Variants in NT5C3A observed in about 807,000 individuals in gnomAD.
NT5C3A encodes cytosolic 5'-nucleotidase 3A.
A neutral mutation model predicts 40.0 loss-of-function variants in NT5C3A; 23 were observed. The ratio of observed to expected loss-of-function variants is 0.58; its 90% confidence interval spans 0.41 to 0.81. NT5C3A has a LOEUF of 0.81. NT5C3A is among the 40% of genes least tolerant of loss of function. NT5C3A has a pLI of 0.00. For missense variants in NT5C3A, 328 were observed against 403.0 expected, an observed-to-expected ratio of 0.81 and a Z score of 1.59; for synonymous variants, 130 against 141.4, an observed-to-expected ratio of 0.92 and a Z score of 0.57.
chr7:33,017,321 C>T (rs757400807), intron 7 of NT5C3A, 118 bp downstream of exon 7: 75 of 721,098 alleles, frequency 1.0e-4, no homozygotes, highest in Non-Finnish European at 1.5e-4. Context: ...CCACAGTGGG[C>T]CTATCGGCTT....
chr7:33,058,032 T>C (rs1008154176), intron 1 of NT5C3A, among the ~76,000 whole-genome samples: 8 of 152,270 alleles, frequency 5.3e-5, no homozygotes, highest in African/African-American at 1.9e-4. Context: ...TCATTTTTTT[T>C]TCCTTTTGGC....
chr7:33,031,183 A>G (rs1054996114), intron 1 of NT5C3A, among the ~76,000 whole-genome samples: 1 of 152,130 alleles, frequency 6.6e-6, no homozygotes, highest in Admixed American at 6.6e-5. Context: ...CATCAATCCA[A>G]TGATAATATT....
chr7:33,022,136 ACT>A, intron 3 of NT5C3A, 37 bp from the exon 4 acceptor site: 1 of 1,093,656 alleles, frequency 9.1e-7, no homozygotes, highest in Non-Finnish European at 1.4e-6. Flanking sequence ...TAAAAGAAAT[ACT>A]CTGATTTATG....
At chr7:33,022,394 T>C (rs1393537963) in intron 3 of NT5C3A, among the ~76,000 whole-genome samples, 1 of 151,858 alleles carries the variant, frequency 6.6e-6, no homozygotes, top group African/African-American at 2.4e-5. Context: ...AACTGTGTAT[T>C]GATCACTTCC....
At chr7:33,034,958 C>T (rs1786501710) in intron 1 of NT5C3A, among the ~76,000 whole-genome samples, 1 of 152,124 alleles carries the variant, frequency 6.6e-6, no homozygotes, top group African/African-American at 2.4e-5. Flanking sequence ...ATATGGAGAA[C>T]AGATGTAATT....
At chr7:33,062,445 T>C in intron 1 of NT5C3A, 123 bp downstream of exon 1, 4 of 882,308 alleles carry the variant, frequency 4.5e-6, no homozygotes, top group Non-Finnish European at 5.3e-6. Context: ...GATCCCAGCC[T>C]GACAGGCGAC....
intron 1 of NT5C3A, chr7:33,038,887 A>C (rs200094836): frequency 6.6e-6 from 3 of 456,430 alleles, no homozygotes; most frequent in Non-Finnish European, 1.3e-5. Context: ...CAAGTGTAGA[A>C]GACGTGTTCA....
intron 1 of NT5C3A, chr7:33,040,970 G>C (rs914520263): frequency 2.0e-6 from 2 of 985,318 alleles, no homozygotes; most frequent in African/African-American, 3.5e-5. Flanking sequence ...GGTTCCAAAA[G>C]CCTTGACTAA....
intron 1 of NT5C3A, among the ~76,000 whole-genome samples, chr7:33,053,987 C>T (rs1298250181): frequency 6.6e-6 from 1 of 152,172 alleles, no homozygotes; most frequent in Non-Finnish European, 1.5e-5. Context: ...CAAAGTCATA[C>T]ATGCCTGGTA....
chr7:33,053,042 G>A (rs779898762), intron 1 of NT5C3A, among the ~76,000 whole-genome samples: 2 of 152,162 alleles, frequency 1.3e-5, no homozygotes, highest in African/African-American at 2.4e-5. Flanking sequence ...GCCTTAGCCA[G>A]GTTGTAAAAA....
chr7:33,014,410 T>G lies in NT5C3A; in HGVS notation c.*320A>C, dbSNP rs1182006034. The G allele has an allele frequency of 2.1e-6, 1 of 466,966 alleles. No homozygotes were observed. The allele number at this position is 466,966 out of a possible 1,614,324, so 28.9% of individuals were successfully genotyped here. On this transcript the variant is annotated 3_prime_UTR_variant, in exon 9 of 9. Coordinates refer to ENST00000610140, the MANE Select transcript of NT5C3A (RefSeq NM_001002010.5). ...CTTATTTTAAAATTTCTACAAACTTTCCCAGTGTAAAAGACTCCTCAAAAG... is the reference window on the plus strand; with the variant it reads ...CTTATTTTAAAATTTCTACAAACTTGCCCAGTGTAAAAGACTCCTCAAAAG...
At chr7:33,054,345 C>A (rs1352045264) in intron 1 of NT5C3A, among the ~76,000 whole-genome samples, 1 of 123,206 alleles carries the variant, frequency 8.1e-6, no homozygotes, top group Non-Finnish European at 1.6e-5. Context: ...CAGAGTAAGA[C>A]CCTGCCTCAA....
chr7:33,059,372 A>G (rs919372824), intron 1 of NT5C3A, among the ~76,000 whole-genome samples: 28 of 152,316 alleles, frequency 1.8e-4, no homozygotes, highest in African/African-American at 6.7e-4. Context: ...ATTTCATATG[A>G]CTTAAAGTGA....
intron 1 of NT5C3A, among the ~76,000 whole-genome samples, chr7:33,051,710 C>T (rs961379209): frequency 1.3e-5 from 2 of 152,130 alleles, no homozygotes; most frequent in African/African-American, 4.8e-5. Flanking sequence ...CTCCCCACCT[C>T]CAGATTCTAA....
chr7:33,040,445 T>C (rs1482281768), intron 1 of NT5C3A, among the ~76,000 whole-genome samples: 1 of 152,148 alleles, frequency 6.6e-6, no homozygotes, highest in East Asian at 1.9e-4. Flanking sequence ...AAATAAAAAT[T>C]GATAATCTTT....
chr7:33,037,588 C>T (rs140117857), intron 1 of NT5C3A, among the ~76,000 whole-genome samples: 1 of 152,194 alleles, frequency 6.6e-6, no homozygotes, highest in East Asian at 1.9e-4. Context: ...GTCCCTACTC[C>T]CTTCCATTTT....
At chr7:33,029,700 C>G (rs1186455805) in intron 1 of NT5C3A, 1 of 1,288,684 alleles carries the variant, frequency 7.8e-7, no homozygotes, top group Non-Finnish European at 1.0e-6. Flanking sequence ...TCGAAGAAGG[C>G]TGGTTTCTGC....
chr7:33,021,185 T>C, intron 5 of NT5C3A, 87 bp downstream of exon 5: 1 of 1,561,890 alleles, frequency 6.4e-7, no homozygotes. Context: ...TTGTTTGCAA[T>C]ACAGGTAAAA....
intron 1 of NT5C3A, chr7:33,041,103 G>T: frequency 1.0e-6 from 1 of 985,090 alleles, no homozygotes; most frequent in Non-Finnish European, 1.2e-6. Context: ...TTGAAGTTAT[G>T]TGACGATTAA....
Sources: gnomAD v4.1 joint callset for allele counts (sites outside exome capture counted in the v4.1 genomes callset) on GRCh38, gnomAD v4.1.1 for gene constraint, MANE v1.5 for transcripts, NCBI Gene and HGNC (gene_info 2026-07-23, HGNC 2026-07-21) for gene names.